CSGALNACT1: variants seen among roughly 807,000 people sequenced by gnomAD.
CSGALNACT1 encodes chondroitin sulfate N-acetylgalactosaminyltransferase 1, also known as beta4GalNAcT-1.
CSGALNACT1 carries 52 observed loss-of-function variants against 51.0 expected under a neutral mutation model. That is an observed-to-expected ratio of 1.02 (90% CI 0.82 to 1.29). The LOEUF (loss-of-function observed/expected upper bound fraction) is 1.29, where lower values mean the gene tolerates loss of function less well. Among genes scored for constraint, CSGALNACT1 ranks in the 50% most tolerant of loss-of-function variants. CSGALNACT1 has a pLI of 0.00. For synonymous variants in CSGALNACT1, 341 were observed against 254.4 expected (o/e 1.34, Z -3.24); for missense variants, 935 against 679.2 (o/e 1.38, Z -4.19).
intron 1 of CSGALNACT1, among the ~76,000 whole-genome samples, chr8:19,710,741 A>G (rs2062457052): frequency 6.6e-6 from 1 of 152,144 alleles, no homozygotes; most frequent in Non-Finnish European, 1.5e-5. Flanking sequence ...CCCTATAATT[A>G]CTTCTTACCA....
upstream of CSGALNACT1, among the ~76,000 whole-genome samples, chr8:19,603,402 G>C (rs2050859967): frequency 1.3e-5 from 2 of 152,230 alleles, no homozygotes; most frequent in African/African-American, 4.8e-5. Flanking sequence ...CGACTGCCTA[G>C]GGCCAGCTCT....
intron 4 of CSGALNACT1, among the ~76,000 whole-genome samples, chr8:19,478,454 G>C (rs1337281234): frequency 2.0e-5 from 3 of 148,078 alleles, no homozygotes; most frequent in Non-Finnish European, 4.5e-5. Context: ...TGATGTCTGG[G>C]TCCCACTCCC....
chr8:19,525,022 C>T (rs1256075321), intron 3 of CSGALNACT1, among the ~76,000 whole-genome samples: 3 of 152,184 alleles, frequency 2.0e-5, no homozygotes, highest in Non-Finnish European at 4.4e-5. Flanking sequence ...GTGCCTAGCA[C>T]AAACTGACCA....
chr8:19,694,585 T>C (rs1041546807), intron 1 of CSGALNACT1, among the ~76,000 whole-genome samples: 8 of 152,244 alleles, frequency 5.3e-5, no homozygotes, highest in Admixed American at 5.2e-4. Context: ...TTTATAGGTG[T>C]TGCATACTGC....
chr8:19,699,314 G>T (rs374151696), intron 1 of CSGALNACT1, among the ~76,000 whole-genome samples: 6 of 152,332 alleles, frequency 3.9e-5, no homozygotes, highest in African/African-American at 9.6e-5. Context: ...TTGAAAGCAG[G>T]ATCTCAAAGA....
At chr8:19,638,631 C>G (rs1428887701) in intron 1 of CSGALNACT1, among the ~76,000 whole-genome samples, 3 of 151,446 alleles carry the variant, frequency 2.0e-5, no homozygotes, top group Non-Finnish European at 4.4e-5. Context: ...AAGACTAACC[C>G]AACTGGAATT....
intron 5 of CSGALNACT1, chr8:19,457,418 G>C (rs961181669): frequency 1.1e-5 from 4 of 358,866 alleles, no homozygotes; most frequent in African/African-American, 2.1e-5. Context: ...TTCAAGACTA[G>C]CCCGGCCAAA....
intron 1 of CSGALNACT1, among the ~76,000 whole-genome samples, chr8:19,680,424 CGG>C (rs2154208168): frequency 6.6e-6 from 1 of 151,944 alleles, no homozygotes; most frequent in Non-Finnish European, 1.5e-5. Context: ...GGTGTGGTGG[CGG>C]GTGCCTGTAA....
At chr8:19,542,832 T>C (rs1040371366) in intron 3 of CSGALNACT1, among the ~76,000 whole-genome samples, 8 of 152,152 alleles carry the variant, frequency 5.3e-5, no homozygotes, top group Admixed American at 4.6e-4. Context: ...TCTAAAGCAG[T>C]GGGGTTAATT....
At chr8:19,667,890 G>A (rs750016140) in intron 1 of CSGALNACT1, among the ~76,000 whole-genome samples, 17 of 152,098 alleles carry the variant, frequency 1.1e-4, no homozygotes, top group Non-Finnish European at 2.4e-4. Flanking sequence ...CTCAATGAAC[G>A]ATCATGGAAT....
chr8:19,535,106 A>G (rs979824515), intron 3 of CSGALNACT1, among the ~76,000 whole-genome samples: 7 of 152,244 alleles, frequency 4.6e-5, no homozygotes, highest in African/African-American at 1.7e-4. Context: ...AAGAATGTGA[A>G]GAAATAGGTT....
At chr8:19,478,938 A>G (rs749209791) in intron 4 of CSGALNACT1, among the ~76,000 whole-genome samples, 27 of 152,210 alleles carry the variant, frequency 1.8e-4, no homozygotes, top group Non-Finnish European at 3.1e-4. Context: ...GGATGGTAGG[A>G]AAAACACCAT....
intron 4 of CSGALNACT1, among the ~76,000 whole-genome samples, chr8:19,475,589 C>T (rs2069383672): frequency 6.6e-6 from 1 of 152,180 alleles, no homozygotes; most frequent in Admixed American, 6.5e-5. Context: ...ACACCCTCCA[C>T]TGATCACCAA....
chr8:19,675,525 G>A (rs1038733351), intron 1 of CSGALNACT1, among the ~76,000 whole-genome samples: 2 of 151,866 alleles, frequency 1.3e-5, no homozygotes, highest in African/African-American at 4.8e-5. Context: ...AGTCTCCTCT[G>A]ACACCAAGGC....
chr8:19,743,719 T>G (rs984999740), intron 1 of CSGALNACT1, among the ~76,000 whole-genome samples: 1 of 152,236 alleles, frequency 6.6e-6, no homozygotes, highest in African/African-American at 2.4e-5. Flanking sequence ...TTTATATTTT[T>G]ATGATTTAAA....
At chr8:19,437,983 T>G (rs1208405548) in intron 6 of CSGALNACT1, among the ~76,000 whole-genome samples, 3 of 152,224 alleles carry the variant, frequency 2.0e-5, no homozygotes, top group Admixed American at 2.0e-4. Flanking sequence ...AGGTATAGCC[T>G]TAAGCATTCC....
intron 3 of CSGALNACT1, among the ~76,000 whole-genome samples, chr8:19,529,293 G>A (rs1240341667): frequency 6.6e-6 from 1 of 152,174 alleles, no homozygotes; most frequent in African/African-American, 2.4e-5. Context: ...GCAGAAGAGT[G>A]AGAGTGAGTG....
rs564396306 is a variant in CSGALNACT1, at chr8:19,620,228, T to C, written c.-543-18363A>G. Among the ~76,000 whole-genome samples, 69 of 146,766 alleles carry C rather than the reference T, an allele frequency of 4.7e-4. No individual in the cohort carries two copies. In the South Asian group the frequency reaches 6.1e-3, roughly 13 times the overall value. On this transcript the variant is annotated intron_variant, in intron 1 of 9. Coordinates refer to the CSGALNACT1 transcript ENST00000332246. Reference sequence around the variant, plus strand: ...TACTCGGGAGGCTGAGGCAGGAGAATTGCTTGAACCCGAGAGGCAGAGGTT... The same window carrying C: ...TACTCGGGAGGCTGAGGCAGGAGAACTGCTTGAACCCGAGAGGCAGAGGTT...
intron 4 of CSGALNACT1, among the ~76,000 whole-genome samples, chr8:19,474,206 A>C (rs574390605): frequency 6.6e-6 from 1 of 152,248 alleles, no homozygotes; most frequent in African/African-American, 2.4e-5. Flanking sequence ...GGCTCCATGG[A>C]AGTCTTCAAA....
Sources: allele counts gnomAD v4.1 joint callset (sites outside exome capture counted in the v4.1 genomes callset), GRCh38; gene constraint gnomAD v4.1.1; transcripts MANE v1.5; gene names NCBI Gene and HGNC (gene_info 2026-07-23, HGNC 2026-07-21).